Variants in CNTNAP2 observed in about 807,000 individuals in gnomAD.
CNTNAP2 encodes the protein contactin associated protein 2.
CNTNAP2 carries 98 observed loss-of-function variants against 155.2 expected under a neutral mutation model. The observed-to-expected ratio is 0.63, with a 90% CI of 0.54 to 0.75. The LOEUF (loss-of-function observed/expected upper bound fraction) is 0.75, where lower values mean the gene tolerates loss of function less well. CNTNAP2 is among the 30% of genes least tolerant of loss of function. The pLI is 0.00. For synonymous variants in CNTNAP2, 651 were observed against 631.2 expected (o/e 1.03, Z -0.47); for missense variants, 1,727 against 1,688.1 (o/e 1.02, Z -0.40).
At chr7:148,356,072 C>T (rs181850264) in intron 21 of CNTNAP2, among the ~76,000 whole-genome samples, 49 of 152,282 alleles carry the variant, frequency 3.2e-4, no homozygotes, top group African/African-American at 1.1e-3. Context: ...GTTACACACA[C>T]ATAGACTATA....
intron 9 of CNTNAP2, among the ~76,000 whole-genome samples, chr7:147,307,323 G>C (rs1240392455): frequency 6.6e-6 from 1 of 152,170 alleles, no homozygotes; most frequent in Non-Finnish European, 1.5e-5. Context: ...GGTGGCTCAA[G>C]CCTGTAATCC....
chr7:146,872,748 A>G (rs1585131867), intron 3 of CNTNAP2, among the ~76,000 whole-genome samples: 1 of 152,204 alleles, frequency 6.6e-6, no homozygotes, highest in African/African-American at 2.4e-5. Flanking sequence ...GAAATACTGT[A>G]TGCACAAATT....
intron 3 of CNTNAP2, among the ~76,000 whole-genome samples, chr7:146,967,301 C>G (rs1212869596): frequency 6.6e-6 from 1 of 152,046 alleles, no homozygotes; most frequent in East Asian, 1.9e-4. Context: ...TCCTTTCAAA[C>G]AAAACTATAT....
intron 9 of CNTNAP2, among the ~76,000 whole-genome samples, chr7:147,326,448 A>G (rs1795460288): frequency 6.6e-6 from 1 of 152,172 alleles, no homozygotes; most frequent in Admixed American, 6.5e-5. Context: ...TGCATCAATG[A>G]ACATTTGCGG....
intron 3 of CNTNAP2, among the ~76,000 whole-genome samples, chr7:146,993,760 T>C (rs1798253545): frequency 6.6e-6 from 1 of 152,144 alleles, no homozygotes; most frequent in Non-Finnish European, 1.5e-5. Flanking sequence ...TTTTAATACC[T>C]TATTAAAGTG....
intron 1 of CNTNAP2, among the ~76,000 whole-genome samples, chr7:146,206,690 G>A (rs552832324): frequency 1.3e-5 from 2 of 152,010 alleles, no homozygotes; most frequent in South Asian, 4.1e-4. Context: ...ATGATGAAAT[G>A]CATAAAAACA....
chr7:148,306,973 G>A (rs1797501995), intron 21 of CNTNAP2, among the ~76,000 whole-genome samples: 2 of 152,128 alleles, frequency 1.3e-5, no homozygotes. Flanking sequence ...GTTTCATCGG[G>A]AAGCCCCTGA....
chr7:146,599,308 C>T (rs1341601134), intron 1 of CNTNAP2, among the ~76,000 whole-genome samples: 1 of 152,012 alleles, frequency 6.6e-6, no homozygotes, highest in African/African-American at 2.4e-5. Flanking sequence ...TCAAAGCCCT[C>T]TAATTGTTTT....
Position 148,415,979 on chromosome 7 carries a change from T to C in CNTNAP2, c.*363T>C. ...AGTTTTCTACGTTTTTAAGAGCCCTTAGAACGTGGGTATTTTTTTTCTTGA... is the reference window on the plus strand; with the variant it reads ...AGTTTTCTACGTTTTTAAGAGCCCTCAGAACGTGGGTATTTTTTTTCTTGA... On this transcript the variant is annotated 3_prime_UTR_variant, in exon 24 of 24. Transcript: ENST00000361727. The C allele has an allele frequency of 3.6e-6, 1 of 274,432 alleles. No homozygotes were observed. The highest frequency in any genetic ancestry group is 7.1e-5 in the South Asian group (1 of 14,004). The allele number at this position is 274,432 out of a possible 1,614,324, so 17.0% of individuals were successfully genotyped here. A position where few individuals can be genotyped will look rare whatever the true frequency, so the allele number is the denominator to read the frequency against.
intron 15 of CNTNAP2, among the ~76,000 whole-genome samples, chr7:148,041,059 T>C (rs1385375074): frequency 6.6e-6 from 1 of 152,222 alleles, no homozygotes; most frequent in Non-Finnish European, 1.5e-5. Context: ...AAAGCTTCTG[T>C]GAAAGCATAA....
chr7:147,285,666 A>G (rs1049569299), intron 8 of CNTNAP2, among the ~76,000 whole-genome samples: 2 of 152,080 alleles, frequency 1.3e-5, no homozygotes, highest in African/African-American at 4.8e-5. Context: ...CAATAGCATT[A>G]CATAATTTCT....
chr7:148,008,457 G>C (rs902441219), intron 15 of CNTNAP2, among the ~76,000 whole-genome samples: 1 of 152,194 alleles, frequency 6.6e-6, no homozygotes, highest in Non-Finnish European at 1.5e-5. Context: ...AGAGTAATTA[G>C]AACCTGCTTC....
At chr7:146,798,313 T>G (rs1279336129) in intron 2 of CNTNAP2, among the ~76,000 whole-genome samples, 1 of 151,952 alleles carries the variant, frequency 6.6e-6, no homozygotes, top group East Asian at 1.9e-4. Flanking sequence ...TGGCAGTGTC[T>G]CAAACAGACA....
chr7:148,229,693 A>G lies in CNTNAP2; in HGVS notation c.3295A>G (p.Asn1099Asp), dbSNP rs1255788165. ...CCTGGGTGGCACCCGAGAGCCATAC[A>G]ATATTGACGTAGACCACAGGAACAT... ...YNLGGTREPY[N>D]IDVDHRNMAN... is the part of the protein sequence containing the mutation. The change falls in exon 20 of 24, where the codon AAT becomes GAT. Residue 1099 changes from asparagine (N) to aspartate (D), a missense_variant. Physicochemically the swap from Asn to Asp is conservative, Grantham distance 23. Transcript: ENST00000361727. 1 of 1,614,216 alleles carries G rather than the reference A, an allele frequency of 6.2e-7. No individual in the cohort carries two copies. The highest frequency in any genetic ancestry group is 2.2e-5 in the East Asian group (1 of 44,878).
intron 14 of CNTNAP2, among the ~76,000 whole-genome samples, chr7:147,976,640 A>G (rs780978707): frequency 3.9e-4 from 60 of 152,212 alleles, no homozygotes; most frequent in Non-Finnish European, 7.6e-4. Flanking sequence ...CTGGGTTTCT[A>G]TGGGTCCTGA....
At chr7:147,041,126 GAAC>G (rs1252591911) in intron 3 of CNTNAP2, among the ~76,000 whole-genome samples, 3 of 152,078 alleles carry the variant, frequency 2.0e-5, no homozygotes, top group African/African-American at 4.8e-5. Context: ...TTAACAACAA[GAAC>G]AACAACAACA....
chr7:146,296,958 C>CTGTG lies in CNTNAP2; in HGVS notation c.97+180003_97+180006dup, dbSNP rs141424842. On this transcript the variant is annotated intron_variant, in intron 1 of 23. Coordinates refer to ENST00000361727, the MANE Select transcript of CNTNAP2 (RefSeq NM_014141.6). Reference sequence around the variant, plus strand: ...GTATAAAGATTAAAGCAGGTATTATCTGTGTGTGTGTGTGTGTGTGTTTCT... The same window carrying CTGTG: ...GTATAAAGATTAAAGCAGGTATTATCTGTGTGTGTGTGTGTGTGTGTGTGTTTCT... Among the ~76,000 whole-genome samples, 184 of 149,384 alleles carry CTGTG rather than the reference C, an allele frequency of 1.2e-3. 1 individual carries two copies. Among genetic ancestry groups the CTGTG allele is most frequent in the African/African-American group, 4.1e-3 (170 of 41,048 alleles).
intron 9 of CNTNAP2, among the ~76,000 whole-genome samples, chr7:147,319,023 T>G (rs553299701): frequency 6.6e-6 from 1 of 152,296 alleles, no homozygotes; most frequent in Non-Finnish European, 1.5e-5. Context: ...AAAAGTAATC[T>G]TCTGACATAG....
intron 1 of CNTNAP2, among the ~76,000 whole-genome samples, chr7:146,223,549 T>C (rs1024804338): frequency 6.6e-6 from 1 of 152,128 alleles, no homozygotes; most frequent in Non-Finnish European, 1.5e-5. Flanking sequence ...TTGATTTCCT[T>C]AGTGAACCTC....
Sources: allele counts gnomAD v4.1 joint callset (sites outside exome capture counted in the v4.1 genomes callset), GRCh38; gene constraint gnomAD v4.1.1; transcripts MANE v1.5; gene names NCBI Gene and HGNC (gene_info 2026-07-23, HGNC 2026-07-21).